Variants in METTL24 observed in about 807,000 individuals in gnomAD.
METTL24 encodes methyltransferase like 24.
In METTL24, 29 loss-of-function variants were observed where a neutral mutation model predicts 32.7. The ratio of observed to expected loss-of-function variants is 0.89; its 90% confidence interval spans 0.66 to 1.21. The LOEUF (loss-of-function observed/expected upper bound fraction) is 1.21. METTL24 is among the 50% of genes most tolerant of loss of function. The pLI, the probability that METTL24 is intolerant of heterozygous loss-of-function variation, is 0.00. For missense variants in METTL24, 439 were observed against 468.1 expected (o/e 0.94, Z 0.57); for synonymous variants, 163 against 179.5 (o/e 0.91, Z 0.73).
intron 3 of METTL24, 30 bp downstream of exon 3, chr6:110,315,312 T>C: frequency 6.2e-7 from 1 of 1,612,948 alleles, no homozygotes; most frequent in South Asian, 1.1e-5. Context: ...AGTGTTTGTG[T>C]TTTCTTCTGC....
intron 1 of METTL24, among the ~76,000 whole-genome samples, chr6:110,326,019 CCTGT>C (rs769495795): frequency 5.9e-5 from 9 of 152,220 alleles, no homozygotes; most frequent in Non-Finnish European, 1.2e-4. Flanking sequence ...CTGTGGCCCT[CCTGT>C]CTCTCACTCC....
intron 1 of METTL24, among the ~76,000 whole-genome samples, chr6:110,350,555 G>A (rs1772574624): frequency 6.6e-6 from 1 of 151,692 alleles, no homozygotes; most frequent in African/African-American, 2.4e-5. Flanking sequence ...CAAAGAATAT[G>A]AGACTCTAAG....
chr6:110,261,027 G>C (rs1770711028), intron 4 of METTL24, among the ~76,000 whole-genome samples: 1 of 152,182 alleles, frequency 6.6e-6, no homozygotes, highest in Admixed American at 6.5e-5. Context: ...AAATTGTAAA[G>C]ACCATCAAGG....
intron 1 of METTL24, among the ~76,000 whole-genome samples, chr6:110,329,853 C>A (rs1772082862): frequency 6.6e-6 from 1 of 152,222 alleles, no homozygotes; most frequent in South Asian, 2.1e-4. Flanking sequence ...ACTCCCACCC[C>A]GCGCCTCCCA....
intron 4 of METTL24, among the ~76,000 whole-genome samples, chr6:110,294,931 T>A (rs1222304500): frequency 6.6e-6 from 1 of 151,840 alleles, no homozygotes; most frequent in Non-Finnish European, 1.5e-5. Context: ...AGTATCAATC[T>A]CTTGTTTATA....
In METTL24 at chr6:110,295,013, C is replaced by CTTTTT. The variant is rs1195740747; in HGVS notation, c.786+3904_786+3908dup. On this transcript the variant is annotated intron_variant, in intron 4 of 4. Transcript: ENST00000338882. ...ATTGCTTTTCTTTTTTTCTTTCTTT[C>CTTTTT]TTTTTTTTTTTTTTTTTTTTTTTTT... Among the ~76,000 whole-genome samples, 301 of 78,118 alleles carry CTTTTT rather than the reference C, an allele frequency of 3.9e-3. 8 individuals are homozygous for CTTTTT. Among genetic ancestry groups the CTTTTT allele is most frequent in the East Asian group, 5.6e-3 (14 of 2,516 alleles). 51.2% of individuals were successfully genotyped at this position (78,118 alleles called of 152,430 possible).
At chr6:110,325,519 AG>A (rs200856665) in intron 1 of METTL24, among the ~76,000 whole-genome samples, 3,917 of 152,208 alleles carry the variant, frequency 0.026, 93 homozygotes, top group South Asian at 0.04. Context: ...CTGGCCTAAA[AG>A]GGGGGGTTGA....
intron 4 of METTL24, among the ~76,000 whole-genome samples, chr6:110,265,294 GT>G (rs924537929): frequency 8.5e-5 from 13 of 152,086 alleles, no homozygotes; most frequent in Non-Finnish European, 1.8e-4. Flanking sequence ...ATCAATACCA[GT>G]TTGCACATTA....
At chr6:110,316,136 C>A (rs547135513) in intron 2 of METTL24, among the ~76,000 whole-genome samples, 11 of 152,294 alleles carry the variant, frequency 7.2e-5, no homozygotes, top group Admixed American at 7.2e-4. Flanking sequence ...TGCTCTAATG[C>A]GCTTCCTCCT....
intron 3 of METTL24, among the ~76,000 whole-genome samples, chr6:110,301,714 C>T (rs751773447): frequency 2.6e-5 from 4 of 152,178 alleles, no homozygotes; most frequent in Admixed American, 6.5e-5. Flanking sequence ...CAGTAAATAA[C>T]GGTGATTGTT....
At chr6:110,345,669 T>C (rs992676544) in intron 1 of METTL24, among the ~76,000 whole-genome samples, 1 of 152,146 alleles carries the variant, frequency 6.6e-6, no homozygotes, top group Non-Finnish European at 1.5e-5. Flanking sequence ...AGTAAACTAA[T>C]ACAGGAACAG....
chr6:110,261,800 G>C (rs940630265), intron 4 of METTL24, among the ~76,000 whole-genome samples: 1 of 152,126 alleles, frequency 6.6e-6, no homozygotes, highest in Non-Finnish European at 1.5e-5. Context: ...CTAGAACTCA[G>C]GATTAAGAAA....
rs527411142 is a variant in METTL24 at position 110,294,072 on chromosome 6, A to T, written c.786+4850T>A. 1.5e-4 allele frequency among the ~76,000 whole-genome samples: 23 copies of T among 152,254 alleles called. 1 individual carries two copies. The South Asian group carries it at 4.8e-3, about 32-fold the overall frequency. On this transcript the variant is annotated intron_variant, in intron 4 of 4. Transcript: ENST00000338882. ...ATACATACAAATGGATTAAACTCAC[A>T]TACACAGATAGATTTATTATGGAAG...
intron 4 of METTL24, among the ~76,000 whole-genome samples, chr6:110,267,397 T>TTA (rs1185267770): frequency 2.0e-5 from 3 of 152,208 alleles, no homozygotes; most frequent in Admixed American, 6.5e-5. Context: ...TACCTATTAC[T>TTA]TATATATATC....
At chr6:110,279,496 T>C (rs184534911) in intron 4 of METTL24, among the ~76,000 whole-genome samples, 8 of 152,328 alleles carry the variant, frequency 5.3e-5, no homozygotes, top group African/African-American at 1.9e-4. Flanking sequence ...GCCTTAAGAC[T>C]GTACCGTTTA....
chr6:110,261,066 C>T lies in METTL24; in HGVS notation c.787-14806G>A, dbSNP rs1245911231. 3.3e-5 allele frequency among the ~76,000 whole-genome samples: 5 copies of T among 152,212 alleles called. 1 individual carries two copies. The highest frequency in any genetic ancestry group is 3.3e-4 in the Admixed American group (5 of 15,290). On this transcript the variant is annotated intron_variant, in intron 4 of 4. Coordinates refer to ENST00000338882, the MANE Select transcript of METTL24 (RefSeq NM_001123364.3). ...GGAAGAAACTGCATCAACTAATGAG[C>T]AAAATAACCAGCTAACATCATAATG...
At chr6:110,276,114 G>A (rs369808079) in intron 4 of METTL24, among the ~76,000 whole-genome samples, 1 of 152,214 alleles carries the variant, frequency 6.6e-6, no homozygotes, top group African/African-American at 2.4e-5. Context: ...CAAGCATCAT[G>A]AACAACTATG....
intron 4 of METTL24, among the ~76,000 whole-genome samples, chr6:110,276,139 GATTACATGA>G (rs1771043185): frequency 6.6e-6 from 1 of 152,086 alleles, no homozygotes; most frequent in Non-Finnish European, 1.5e-5. Flanking sequence ...AAACCAATAA[GATTACATGA>G]TTTCCTAGGT....
At chr6:110,304,332 A>T (rs1771590887) in intron 3 of METTL24, among the ~76,000 whole-genome samples, 1 of 152,220 alleles carries the variant, frequency 6.6e-6, no homozygotes, top group Admixed American at 6.5e-5. Context: ...ACAAACTGAC[A>T]GAAGTAGGCT....
Sources: allele counts gnomAD v4.1 joint callset (sites outside exome capture counted in the v4.1 genomes callset), GRCh38; gene constraint gnomAD v4.1.1; transcripts MANE v1.5; gene names NCBI Gene and HGNC (gene_info 2026-07-23, HGNC 2026-07-21).